Variants in ROBO2 observed in about 807,000 individuals in gnomAD.
The protein encoded by ROBO2 is roundabout guidance receptor 2.
A neutral mutation model predicts 160.8 loss-of-function variants in ROBO2; 53 were observed. The ratio of observed to expected loss-of-function variants is 0.33; its 90% CI spans 0.26 to 0.41. The LOEUF (loss-of-function observed/expected upper bound fraction) is 0.41, where lower values mean the gene tolerates loss of function less well. ROBO2 is among the 10% of genes least tolerant of loss of function. ROBO2 has a pLI of 1.00. For missense variants in ROBO2, 1,577 were observed against 1,722.4 expected (o/e 0.92, Z 1.49); for synonymous variants, 664 against 611.7 (o/e 1.09, Z -1.26).
At chr3:77,356,282 C>CTGA (rs1349302195) in intron 2 of ROBO2, among the ~76,000 whole-genome samples, 1 of 151,848 alleles carries the variant, frequency 6.6e-6, no homozygotes, top group African/African-American at 2.4e-5. Context: ...CATGATTCTA[C>CTGA]TGATAGCTAA....
intron 2 of ROBO2, among the ~76,000 whole-genome samples, chr3:76,342,582 T>C (rs1288099316): frequency 2.0e-5 from 3 of 152,102 alleles, no homozygotes; most frequent in Admixed American, 1.3e-4. Context: ...TCTGGATGGA[T>C]ACACTATCTC....
At chr3:77,151,400 GTTTA>G (rs1436087972) in intron 2 of ROBO2, among the ~76,000 whole-genome samples, 7 of 152,086 alleles carry the variant, frequency 4.6e-5, no homozygotes, top group Non-Finnish European at 7.4e-5. Flanking sequence ...GGGAGATGAA[GTTTA>G]TTTAAGGCGA....
At chr3:77,366,429 G>A (rs2070883353) in intron 2 of ROBO2, among the ~76,000 whole-genome samples, 1 of 151,962 alleles carries the variant, frequency 6.6e-6, no homozygotes, top group Admixed American at 6.6e-5. Context: ...AGCCATATGA[G>A]GACTCTGAGA....
At chr3:76,168,728 T>G (rs2072925904) in intron 2 of ROBO2, among the ~76,000 whole-genome samples, 1 of 152,152 alleles carries the variant, frequency 6.6e-6, no homozygotes, top group African/African-American at 2.4e-5. Flanking sequence ...CATTATAATC[T>G]TAATGTTGTC....
intron 1 of ROBO2, among the ~76,000 whole-genome samples, chr3:77,092,430 A>G (rs992344385): frequency 2.6e-5 from 4 of 151,806 alleles, no homozygotes; most frequent in African/African-American, 7.3e-5. Context: ...TGGACAATTT[A>G]TGTGACAATT....
At chr3:76,262,341 G>A (rs1706823355) in intron 2 of ROBO2, among the ~76,000 whole-genome samples, 1 of 151,836 alleles carries the variant, frequency 6.6e-6, no homozygotes, top group Non-Finnish European at 1.5e-5. Flanking sequence ...ATTTTACTCT[G>A]AGATAATGCC....
chr3:75,937,656 T>C, intron 2 of ROBO2: 5 of 1,163,592 alleles, frequency 4.3e-6, no homozygotes, highest in Non-Finnish European at 6.0e-6. Flanking sequence ...TTTCACTTTA[T>C]GATGATATTA....
At chr3:76,434,912 A>G in intron 2 of ROBO2, 1 of 1,598,854 alleles carries the variant, frequency 6.3e-7, no homozygotes, top group Non-Finnish European at 8.6e-7. Context: ...CTGCACCTAA[A>G]CCCCAAACCA....
intron 2 of ROBO2, among the ~76,000 whole-genome samples, chr3:76,497,456 A>G (rs1470352422): frequency 6.6e-6 from 1 of 152,194 alleles, no homozygotes; most frequent in African/African-American, 2.4e-5. Context: ...ATGGCCTCCC[A>G]AAGTGCTGGG....
chr3:77,483,518 A>G (rs542875286), intron 4 of ROBO2, among the ~76,000 whole-genome samples: 1 of 151,862 alleles, frequency 6.6e-6, no homozygotes, highest in Non-Finnish European at 1.5e-5. Context: ...AGTAAAACTG[A>G]TTGTACTTCA....
intron 2 of ROBO2, among the ~76,000 whole-genome samples, chr3:76,490,298 A>AG (rs2079745211): frequency 6.6e-6 from 1 of 152,328 alleles, no homozygotes; most frequent in South Asian, 2.1e-4. Flanking sequence ...GTATGACAGT[A>AG]ATGATTCAAT....
At chr3:77,348,928 C>T (rs2067987704) in intron 2 of ROBO2, among the ~76,000 whole-genome samples, 1 of 150,986 alleles carries the variant, frequency 6.6e-6, no homozygotes, top group African/African-American at 2.5e-5. Context: ...CTGGCTCTCT[C>T]ACTTTCTTCA....
intron 2 of ROBO2, among the ~76,000 whole-genome samples, chr3:77,424,980 G>A (rs75065056): frequency 0.021 from 3,226 of 152,078 alleles, 124 homozygotes; most frequent in African/African-American, 0.074. Context: ...AATGTGAATT[G>A]GAACAAAAGG....
chr3:76,290,980 T>C (rs34616777), intron 2 of ROBO2, among the ~76,000 whole-genome samples: 126,598 of 152,058 alleles, frequency 0.83, 53,830 homozygotes, highest in East Asian at 0.98. Context: ...GCATCAATAT[T>C]AGGGATATTA....
intron 2 of ROBO2, among the ~76,000 whole-genome samples, chr3:77,194,015 T>C (rs1179838318): frequency 6.6e-6 from 1 of 152,182 alleles, no homozygotes; most frequent in Non-Finnish European, 1.5e-5. Flanking sequence ...CACACAACTG[T>C]CAAAATCAAA....
At chr3:76,932,715 A>G (rs947856672) in intron 2 of ROBO2, among the ~76,000 whole-genome samples, 12 of 152,212 alleles carry the variant, frequency 7.9e-5, no homozygotes, top group African/African-American at 2.7e-4. Context: ...AAAAGTCAGT[A>G]CTTATATGTT....
intron 2 of ROBO2, among the ~76,000 whole-genome samples, chr3:76,630,479 T>C (rs2089964049): frequency 6.9e-6 from 1 of 145,706 alleles, no homozygotes; most frequent in Non-Finnish European, 1.5e-5. Context: ...TATTTAGAAG[T>C]TTGTGAAATT....
intron 2 of ROBO2, among the ~76,000 whole-genome samples, chr3:76,773,105 T>C (rs1389869913): frequency 4.0e-5 from 6 of 151,088 alleles, no homozygotes; most frequent in Non-Finnish European, 5.9e-5. Context: ...ATTGTTTCCA[T>C]GTAAAGAGAA....
intron 2 of ROBO2, among the ~76,000 whole-genome samples, chr3:77,176,440 T>G (rs2080165115): frequency 6.6e-6 from 1 of 152,004 alleles, no homozygotes; most frequent in Non-Finnish European, 1.5e-5. Context: ...TAAAGAAAAT[T>G]TTAGGGTTTC....
Sources: gnomAD v4.1 joint callset for allele counts (sites outside exome capture counted in the v4.1 genomes callset) on GRCh38, gnomAD v4.1.1 for gene constraint, MANE v1.5 for transcripts, NCBI Gene and HGNC (gene_info 2026-07-23, HGNC 2026-07-21) for gene names.